The following EHBP1 variants were observed in gnomAD, a reference collection of about 807,000 sequenced individuals.
The protein encoded by EHBP1 is EH domain-binding protein 1.
Under a neutral mutation model 144.0 loss-of-function variants are expected in EHBP1, and 55 were observed. The observed-to-expected ratio is 0.38, with a 90% CI of 0.31 to 0.48. EHBP1 has a LOEUF of 0.48. EHBP1 is among the 20% of genes least tolerant of loss of function. The pLI is 0.98. For missense variants in EHBP1, 1,200 were observed against 1,364.2 expected, an observed-to-expected ratio of 0.88 and a Z score of 1.90; for synonymous variants, 469 against 472.7, an observed-to-expected ratio of 0.99 and a Z score of 0.10.
At chr2:62,819,915 G>A (rs2045772032) in intron 5 of EHBP1, among the ~76,000 whole-genome samples, 1 of 151,982 alleles carries the variant, frequency 6.6e-6, no homozygotes. Flanking sequence ...TGAATATTAA[G>A]AACATGATGT....
intron 5 of EHBP1, among the ~76,000 whole-genome samples, chr2:62,801,707 A>G (rs1158983927): frequency 6.6e-6 from 1 of 152,160 alleles, no homozygotes; most frequent in Non-Finnish European, 1.5e-5. Context: ...AAATTTTGTT[A>G]TTTGTAGCCA....
At chr2:62,683,475 C>T (rs570925304) in intron 1 of EHBP1, among the ~76,000 whole-genome samples, 2 of 151,830 alleles carry the variant, frequency 1.3e-5, no homozygotes, top group East Asian at 1.9e-4. Context: ...CTGGCTAACA[C>T]GGTGAAACCC....
At chr2:62,866,829 A>C (rs2050081222) in intron 9 of EHBP1, among the ~76,000 whole-genome samples, 1 of 152,156 alleles carries the variant, frequency 6.6e-6, no homozygotes, top group Non-Finnish European at 1.5e-5. Context: ...AAAGTTTTAG[A>C]AATAAAAAAA....
intron 10 of EHBP1, 53 bp downstream of exon 10, chr2:62,874,585 G>A (rs1045890811): frequency 9.2e-5 from 131 of 1,423,250 alleles, no homozygotes; most frequent in East Asian, 9.4e-5. Context: ...TTTTCTCCCC[G>A]TGCCATTTAA....
intron 3 of EHBP1, among the ~76,000 whole-genome samples, chr2:62,753,928 A>G (rs1461702900): frequency 1.3e-5 from 2 of 152,142 alleles, no homozygotes; most frequent in Non-Finnish European, 2.9e-5. Flanking sequence ...CTCCTTTGCG[A>G]TGGGTTCGAA....
intron 19 of EHBP1, among the ~76,000 whole-genome samples, chr2:63,036,362 T>C (rs1264716697): frequency 2.0e-5 from 3 of 152,004 alleles, no homozygotes; most frequent in Admixed American, 2.0e-4. Context: ...GACATAGCTA[T>C]CAATGTGGTC....
intron 3 of EHBP1, among the ~76,000 whole-genome samples, chr2:62,756,650 TC>T (rs2040308991): frequency 6.6e-6 from 1 of 151,494 alleles, no homozygotes; most frequent in African/African-American, 2.4e-5. Flanking sequence ...ATGCTTGTAA[TC>T]CCAGCTACGC....
intron 2 of EHBP1, among the ~76,000 whole-genome samples, chr2:62,718,245 A>C (rs1398119744): frequency 3.3e-5 from 5 of 152,228 alleles, no homozygotes; most frequent in Non-Finnish European, 7.3e-5. Context: ...GGAAATTTAG[A>C]AGAATGGAAA....
chr2:62,924,211 A>G (rs1162303917), intron 10 of EHBP1, among the ~76,000 whole-genome samples: 1 of 152,234 alleles, frequency 6.6e-6, no homozygotes, highest in Non-Finnish European at 1.5e-5. Flanking sequence ...TCTCCCAGCC[A>G]AAGTAACCTA....
chr2:62,769,755 A>G (rs922510952), intron 4 of EHBP1, among the ~76,000 whole-genome samples: 6 of 150,934 alleles, frequency 4.0e-5, no homozygotes, highest in Non-Finnish European at 8.9e-5. Flanking sequence ...ACTCCAAGCT[A>G]TACTGCAGGG....
chr2:62,991,898 T>C (rs1559036049), intron 16 of EHBP1, among the ~76,000 whole-genome samples: 1 of 152,206 alleles, frequency 6.6e-6, no homozygotes. Flanking sequence ...GTGATGAAAG[T>C]GTGTGGCAGC....
intron 21 of EHBP1, among the ~76,000 whole-genome samples, chr2:63,041,492 T>G (rs1396230820): frequency 6.6e-6 from 1 of 152,200 alleles, no homozygotes; most frequent in African/African-American, 2.4e-5. Flanking sequence ...GAGTTTGAAG[T>G]GGGCGCTCTT....
At chr2:62,680,155 T>C (rs981853014) in intron 1 of EHBP1, among the ~76,000 whole-genome samples, 1 of 152,190 alleles carries the variant, frequency 6.6e-6, no homozygotes, top group Non-Finnish European at 1.5e-5. Context: ...GATCACCATA[T>C]AGGAAAGGAA....
intron 2 of EHBP1, among the ~76,000 whole-genome samples, chr2:62,731,055 A>G (rs911373173): frequency 6.6e-6 from 1 of 151,362 alleles, no homozygotes; most frequent in Non-Finnish European, 1.5e-5. Flanking sequence ...CCATGTACAG[A>G]TATCTCTCAA....
chr2:62,708,390 A>C (rs1231048625), intron 2 of EHBP1, among the ~76,000 whole-genome samples: 1 of 152,208 alleles, frequency 6.6e-6, no homozygotes, highest in African/African-American at 2.4e-5. Flanking sequence ...AGTCCAGTAT[A>C]AGGAGAGTCA....
At chr2:63,042,210 A>G (rs1238002917) in intron 21 of EHBP1, among the ~76,000 whole-genome samples, 1 of 152,188 alleles carries the variant, frequency 6.6e-6, no homozygotes, top group Non-Finnish European at 1.5e-5. Flanking sequence ...GAACATGCGA[A>G]TGTGAATCTT....
chr2:63,004,504 A>G (rs1377832223), intron 19 of EHBP1, among the ~76,000 whole-genome samples: 1 of 152,084 alleles, frequency 6.6e-6, no homozygotes, highest in Non-Finnish European at 1.5e-5. Context: ...GTATATGAAA[A>G]TAATTTATAT....
chr2:63,036,115 A>C (rs2061432438), intron 19 of EHBP1, among the ~76,000 whole-genome samples: 1 of 152,082 alleles, frequency 6.6e-6, no homozygotes, highest in Non-Finnish European at 1.5e-5. Flanking sequence ...TTAATCCCTT[A>C]CACACAGATT....
At chr2:62,942,337 C>T (rs978679360) in intron 10 of EHBP1, among the ~76,000 whole-genome samples, 8 of 152,050 alleles carry the variant, frequency 5.3e-5, no homozygotes, top group Non-Finnish European at 7.4e-5. Flanking sequence ...TTATTTTTAA[C>T]CTAGTCAAAA....
Sources: gnomAD v4.1 joint callset for allele counts (sites outside exome capture counted in the v4.1 genomes callset) on GRCh38, gnomAD v4.1.1 for gene constraint, MANE v1.5 for transcripts, NCBI Gene and HGNC (gene_info 2026-07-23, HGNC 2026-07-21) for gene names.